Variants in OPRD1 observed in about 807,000 individuals in gnomAD.
OPRD1 encodes the protein opioid receptor delta 1.
In OPRD1, 19 loss-of-function variants were observed where a neutral mutation model predicts 17.5. The observed-to-expected ratio is 1.09, with a 90% CI of 0.76 to 1.60. The LOEUF is 1.60. Among genes scored for constraint, OPRD1 ranks in the 40% most tolerant of loss-of-function variants. The probability of loss-of-function intolerance (pLI) is 0.00; values close to 1 mark genes in which losing one functional copy is unlikely to be tolerated. For missense variants in OPRD1, 483 were observed against 547.2 expected, an observed-to-expected ratio of 0.88 and a Z score of 1.17; for synonymous variants, 256 against 240.9, an observed-to-expected ratio of 1.06 and a Z score of -0.58.
rs775151883 is a variant in OPRD1 at position 28,858,972 on chromosome 1, G to T, written c.246G>T (p.Thr82=). 1 of 1,611,188 alleles carries T rather than the reference G, an allele frequency of 6.2e-7. No homozygotes were observed. Residue 82 remains threonine, a synonymous_variant, in exon 2 of 3, where the codon ACG becomes ACT. Coordinates refer to ENST00000234961, the MANE Select transcript of OPRD1 (RefSeq NM_000911.4). The part of the protein sequence containing the change: ...FGIVRYTKMK[T]ATNIYIFNLA... ...TTCTAAGGTACACTAAGATGAAGACGGCCACCAACATCTACATCTTCAACC... is the reference window on the plus strand; with the variant it reads ...TTCTAAGGTACACTAAGATGAAGACTGCCACCAACATCTACATCTTCAACC...
intron 1 of OPRD1, among the ~76,000 whole-genome samples, chr1:28,818,672 A>G (rs1304294039): frequency 6.6e-6 from 1 of 152,160 alleles, no homozygotes; most frequent in African/African-American, 2.4e-5. Flanking sequence ...CATAGTGTCA[A>G]AAGCACCTGC....
chr1:28,821,726 A>T (rs1313053368), intron 1 of OPRD1, among the ~76,000 whole-genome samples: 2 of 152,028 alleles, frequency 1.3e-5, no homozygotes, highest in African/African-American at 4.8e-5. Context: ...TATAATTTCC[A>T]ATATTATGCC....
At chr1:28,824,541 A>G (rs2088747657) in intron 1 of OPRD1, among the ~76,000 whole-genome samples, 1 of 150,522 alleles carries the variant, frequency 6.6e-6, no homozygotes, top group South Asian at 2.1e-4. Context: ...GATGGTCTTG[A>G]TCTCCTGACC....
chr1:28,821,857 T>G (rs1342172466), intron 1 of OPRD1, among the ~76,000 whole-genome samples: 1 of 151,944 alleles, frequency 6.6e-6, no homozygotes, highest in South Asian at 2.1e-4. Context: ...ACAGGCAACA[T>G]AGCAAGACCC....
At chr1:28,838,696 G>C (rs960174626) in intron 1 of OPRD1, among the ~76,000 whole-genome samples, 3 of 152,138 alleles carry the variant, frequency 2.0e-5, no homozygotes, top group African/African-American at 7.2e-5. Context: ...AGAGTGCTAG[G>C]AACATGGCAG....
At chr1:28,819,812 G>A (rs944786492) in intron 1 of OPRD1, among the ~76,000 whole-genome samples, 4 of 152,188 alleles carry the variant, frequency 2.6e-5, no homozygotes, top group African/African-American at 9.7e-5. Context: ...GAGGAATGGG[G>A]ATGGGGTAGA....
At position 28,869,354 on chromosome 1, in the gene OPRD1, C is replaced by G. The variant is rs889680455; in HGVS notation, c.*6071C>G. ...AGCTGGAGGGGGCCCTCGAGGTGGA[C>G]GTAGTGATGCAGTAGGGCATGGCAC... is the stretch of plus-strand genomic sequence containing the variant. On this transcript the variant is annotated 3_prime_UTR_variant, in exon 3 of 3. Coordinates refer to ENST00000234961, the MANE Select transcript of OPRD1 (RefSeq NM_000911.4). The G allele has an allele frequency of 6.6e-6, 1 of 152,242 alleles. No homozygotes were observed. The highest frequency in any genetic ancestry group is 2.1e-4 in the South Asian group (1 of 4,818). 9.4% of individuals were successfully genotyped at this position (152,242 alleles called of 1,614,324 possible).
intron 1 of OPRD1, among the ~76,000 whole-genome samples, chr1:28,831,006 A>G (rs1013730030): frequency 6.6e-6 from 1 of 152,238 alleles, no homozygotes; most frequent in Non-Finnish European, 1.5e-5. Flanking sequence ...GCCCCACCAG[A>G]TGCTGTCCCC....
intron 1 of OPRD1, among the ~76,000 whole-genome samples, chr1:28,852,872 C>A (rs985327460): frequency 4.6e-5 from 7 of 152,038 alleles, no homozygotes; most frequent in Admixed American, 2.6e-4. Flanking sequence ...GTGCCCGCCA[C>A]CACACCCAGC....
chr1:28,848,861 A>G (rs581111), intron 1 of OPRD1, among the ~76,000 whole-genome samples: 97,390 of 151,982 alleles, frequency 0.64, 33,772 homozygotes, highest in East Asian at 0.91. Context: ...ACCACGAGAA[A>G]CAACTGGAAG....
At position 28,868,189 on chromosome 1, in the gene OPRD1, C is replaced by G. The variant is rs964090935; in HGVS notation, c.*4906C>G. 6.6e-6 allele frequency: 1 copy of G among 152,230 alleles called. No homozygotes were observed. The highest frequency in any genetic ancestry group is 2.4e-5 in the African/African-American group (1 of 41,452). 9.4% of individuals were successfully genotyped at this position (152,230 alleles called of 1,614,324 possible). On this transcript the variant is annotated 3_prime_UTR_variant, in exon 3 of 3. Coordinates refer to ENST00000234961, the MANE Select transcript of OPRD1 (RefSeq NM_000911.4). Reference sequence around the variant, plus strand: ...GCCCAGGCAGCCCCCAAGCCTGGATCAAATCCCAGCTCTCAAGCTAACTGG... The same window carrying G: ...GCCCAGGCAGCCCCCAAGCCTGGATGAAATCCCAGCTCTCAAGCTAACTGG...
At chr1:28,820,924 AT>A (rs1425143915) in intron 1 of OPRD1, among the ~76,000 whole-genome samples, 3 of 151,192 alleles carry the variant, frequency 2.0e-5, no homozygotes, top group East Asian at 2.0e-4. Context: ...TTAAAAAAAA[AT>A]TTTTTTTTCT....
At chr1:28,843,339 A>T (rs1348861847) in intron 1 of OPRD1, among the ~76,000 whole-genome samples, 2 of 152,182 alleles carry the variant, frequency 1.3e-5, no homozygotes, top group Non-Finnish European at 2.9e-5. Flanking sequence ...AGTGGCATTA[A>T]GTACATTCAC....
chr1:28,827,574 C>T (rs1053602857), intron 1 of OPRD1, among the ~76,000 whole-genome samples: 3 of 152,184 alleles, frequency 2.0e-5, no homozygotes, highest in Non-Finnish European at 4.4e-5. Context: ...GCAGCAGCAG[C>T]AATTCAGTCA....
Position 28,812,551 on chromosome 1 carries a change from C to G in OPRD1, c.168C>G (p.Tyr56Ter). ...LALAIAITAL[Y>*]SAVCAVGLLG... ...TGGCAATCGCCATCACCGCGCTCTA[C>G]TCGGCCGTGTGCGCCGTGGGGCTGC... Residue 56 changes from tyrosine to a stop codon, truncating the protein, a stop_gained, in exon 1 of 3, where the codon TAC becomes TAG. Coordinates refer to ENST00000234961, the MANE Select transcript of OPRD1 (RefSeq NM_000911.4). LOFTEE classifies it high-confidence loss of function. 1 of 1,584,422 alleles carries G rather than the reference C, an allele frequency of 6.3e-7. No homozygotes were observed. The highest frequency in any genetic ancestry group is 8.5e-7 in the Non-Finnish European group (1 of 1,172,094).
Position 28,871,254 on chromosome 1 carries a change from T to G in OPRD1, c.*7971T>G, listed in dbSNP as rs1328403701. On this transcript the variant is annotated 3_prime_UTR_variant, in exon 3 of 3. Transcript: ENST00000234961. ...GTTTTCTCAATAAAGTGAGCCCTCT[T>G]CTCGGTGTCTGCATCTCTGGCTGTT... 1.3e-5 allele frequency: 2 copies of G among 152,082 alleles called. No homozygotes were observed. Among genetic ancestry groups the G allele is most frequent in the African/African-American group, 4.8e-5 (2 of 41,390 alleles). The allele number at this position is 152,082 out of a possible 1,614,324, so 9.4% of individuals were successfully genotyped here.
intron 1 of OPRD1, among the ~76,000 whole-genome samples, chr1:28,857,944 C>T (rs969705120): frequency 6.6e-6 from 1 of 151,650 alleles, no homozygotes; most frequent in Admixed American, 6.6e-5. Flanking sequence ...AGGCGTGCAC[C>T]ACTACGCCCA....
chr1:28,827,287 C>A (rs535380071), intron 1 of OPRD1, among the ~76,000 whole-genome samples: 1 of 152,178 alleles, frequency 6.6e-6, no homozygotes, highest in Non-Finnish European at 1.5e-5. Context: ...CAGAGCAAGA[C>A]CCTGTCTCAA....
At chr1:28,826,535 A>T (rs186119537) in intron 1 of OPRD1, among the ~76,000 whole-genome samples, 1 of 152,214 alleles carries the variant, frequency 6.6e-6, no homozygotes, top group Admixed American at 6.5e-5. Context: ...TAAAAAAAAA[A>T]GTTGTTTATA....
Sources: allele counts gnomAD v4.1 joint callset (sites outside exome capture counted in the v4.1 genomes callset), GRCh38; gene constraint gnomAD v4.1.1; transcripts MANE v1.5; gene names NCBI Gene and HGNC (gene_info 2026-07-23, HGNC 2026-07-21).